GLYATL2: variants seen among roughly 807,000 people sequenced by gnomAD.
GLYATL2 encodes the protein glycine-N-acyltransferase like 2.
Under a neutral mutation model 21.4 loss-of-function variants are expected in GLYATL2, and 25 were observed. That is an observed-to-expected ratio of 1.17 (90% confidence interval 0.85 to 1.63). GLYATL2 has a LOEUF of 1.63. GLYATL2 is among the 40% of genes most tolerant of loss of function. The probability of loss-of-function intolerance (pLI) is 0.00; values close to 1 mark genes in which losing one functional copy is unlikely to be tolerated. For missense variants in GLYATL2, 361 were observed against 343.3 expected (o/e 1.05, Z -0.41); for synonymous variants, 114 against 118.2 (o/e 0.96, Z 0.23).
At chr11:58,883,184 T>C (rs988835824) in intron 1 of GLYATL2, among the ~76,000 whole-genome samples, 12 of 152,246 alleles carry the variant, frequency 7.9e-5, no homozygotes, top group African/African-American at 2.9e-4. Flanking sequence ...TTTCTATCCA[T>C]GAGCATGGAA....
At chr11:58,877,409 T>C (rs1234841944) in intron 1 of GLYATL2, among the ~76,000 whole-genome samples, 1 of 152,220 alleles carries the variant, frequency 6.6e-6, no homozygotes, top group Admixed American at 6.5e-5. Context: ...TTCAGCCATC[T>C]TGGCTCCACT....
rs1178748840 is a variant in GLYATL2 at position 58,869,013 on chromosome 11, CT to C, written n.61-30646del. On this transcript the variant is annotated intron_variant and non_coding_transcript_variant, in intron 1 of 4. Transcript: ENST00000533636. ...TGTGTGTGTCCAGGCAAGTGAGTGT[CT>C]TTTGTGGGTACCAGATGGTGGGATC... Among the ~76,000 whole-genome samples, 2 of 128,888 alleles carry C rather than the reference CT, an allele frequency of 1.6e-5. 1 individual carries two copies. Among genetic ancestry groups the C allele is most frequent in the African/African-American group, 5.1e-5 (2 of 39,466 alleles). 84.6% of individuals were successfully genotyped at this position (128,888 alleles called of 152,430 possible).
At position 58,870,811 on chromosome 11, in the gene GLYATL2, G is replaced by A. The variant is rs557622528; in HGVS notation, n.61-32443C>T. ...AGCAAACCTGCCCTCTGCTTCAGAA[G>A]AAAGCAATATCTCTAGCTTCCAAGC... On this transcript the variant is annotated intron_variant and non_coding_transcript_variant, in intron 1 of 4. Transcript: ENST00000533636. 9.5e-4 allele frequency among the ~76,000 whole-genome samples: 144 copies of A among 152,320 alleles called. 1 individual carries two copies. The highest frequency in any genetic ancestry group is 3.3e-3 in the African/African-American group (137 of 41,566).
At chr11:58,853,469 C>G (rs773502998) in intron 1 of GLYATL2, among the ~76,000 whole-genome samples, 1 of 152,162 alleles carries the variant, frequency 6.6e-6, no homozygotes. Context: ...TTTAGTATCA[C>G]TGGGGGTCCT....
intron 1 of GLYATL2, among the ~76,000 whole-genome samples, chr11:58,900,216 G>C (rs748192301): frequency 2.0e-5 from 3 of 152,192 alleles, no homozygotes; most frequent in Non-Finnish European, 4.4e-5. Context: ...GAGGAGCAGT[G>C]ATTCGCAGGA....
chr11:58,902,565 G>A (rs1190738733), intron 1 of GLYATL2, among the ~76,000 whole-genome samples: 1 of 152,152 alleles, frequency 6.6e-6, no homozygotes, highest in Non-Finnish European at 1.5e-5. Flanking sequence ...AGGGGTTCAT[G>A]AAGGAATCCC....
chr11:58,904,246 T>C (rs1854802098), upstream of GLYATL2: 1 of 152,178 alleles, frequency 6.6e-6, no homozygotes, highest in Non-Finnish European at 1.5e-5. Flanking sequence ...CCTCCTAGAG[T>C]TTGTCCCCCA....
upstream of GLYATL2, among the ~76,000 whole-genome samples, chr11:58,848,328 G>A (rs1943295): frequency 0.89 from 134,551 of 151,760 alleles, 60,816 homozygotes; most frequent in Non-Finnish European, 0.98. Flanking sequence ...GCATTGAGAA[G>A]AATGGGACCT....
intron 1 of GLYATL2, among the ~76,000 whole-genome samples, chr11:58,842,538 G>T (rs1412528156): frequency 6.6e-6 from 1 of 150,780 alleles, no homozygotes; most frequent in Non-Finnish European, 1.5e-5. Flanking sequence ...TGATGGAAAG[G>T]TGTCCAGTCT....
chr11:58,905,938 C>T (rs926766893), upstream of GLYATL2, among the ~76,000 whole-genome samples: 1 of 152,214 alleles, frequency 6.6e-6, no homozygotes, highest in Non-Finnish European at 1.5e-5. Flanking sequence ...AGAGACTCTT[C>T]GTCCATTGGC....
At chr11:58,894,577 G>C (rs1854604341) in intron 1 of GLYATL2, among the ~76,000 whole-genome samples, 1 of 151,044 alleles carries the variant, frequency 6.6e-6, no homozygotes, top group South Asian at 2.1e-4. Context: ...AAGTCTACCA[G>C]TATTAACCAA....
intron 1 of GLYATL2, among the ~76,000 whole-genome samples, chr11:58,858,582 C>G (rs1853875259): frequency 6.6e-6 from 1 of 152,096 alleles, no homozygotes; most frequent in South Asian, 2.1e-4. Flanking sequence ...TACTCTTTAG[C>G]CAAGAATTCT....
chr11:58,901,728 C>T (rs1385411217), intron 1 of GLYATL2, among the ~76,000 whole-genome samples: 1 of 152,180 alleles, frequency 6.6e-6, no homozygotes, highest in Admixed American at 6.5e-5. Flanking sequence ...CTGTCCTAAT[C>T]TGTGAAATGG....
At chr11:58,898,190 AGAC>A (rs143186218) in intron 1 of GLYATL2, among the ~76,000 whole-genome samples, 21,068 of 152,072 alleles carry the variant, frequency 0.14, 1,621 homozygotes, top group African/African-American at 0.21. Flanking sequence ...TACCCCAATA[AGAC>A]GACATCTTCC....
intron 1 of GLYATL2, among the ~76,000 whole-genome samples, chr11:58,900,279 A>G (rs943127813): frequency 6.6e-6 from 1 of 152,240 alleles, no homozygotes; most frequent in African/African-American, 2.4e-5. Flanking sequence ...AAGAGACCTT[A>G]GGCTTTGGTG....
chr11:58,854,958 C>G (rs1263069072), intron 1 of GLYATL2, among the ~76,000 whole-genome samples: 1 of 152,174 alleles, frequency 6.6e-6, no homozygotes. Context: ...GAACTTCAGG[C>G]TCTACTTCTA....
intron 1 of GLYATL2, among the ~76,000 whole-genome samples, chr11:58,887,034 A>C (rs1054130303): frequency 1.3e-5 from 2 of 152,228 alleles, no homozygotes; most frequent in Non-Finnish European, 2.9e-5. Context: ...TCCATGGTCC[A>C]ATTTCTTAAA....
intron 1 of GLYATL2, among the ~76,000 whole-genome samples, chr11:58,894,152 A>G (rs1292739106): frequency 1.3e-5 from 2 of 152,086 alleles, no homozygotes; most frequent in African/African-American, 2.4e-5. Flanking sequence ...GTTGCCTGCA[A>G]GTATGGTTAT....
At chr11:58,854,107 C>T (rs631452) in intron 1 of GLYATL2, among the ~76,000 whole-genome samples, 135,036 of 152,198 alleles carry the variant, frequency 0.89, 61,067 homozygotes, top group Non-Finnish European at 0.98. Flanking sequence ...ACTCCAAGTT[C>T]ATCTATGTGG....
Sources: allele counts gnomAD v4.1 joint callset (sites outside exome capture counted in the v4.1 genomes callset), GRCh38; gene constraint gnomAD v4.1.1; transcripts MANE v1.5; gene names NCBI Gene and HGNC (gene_info 2026-07-23, HGNC 2026-07-21).